The following ESRRB variants were observed in gnomAD, a reference collection of about 807,000 sequenced individuals.
The protein encoded by ESRRB is steroid hormone receptor ERR2.
Under a neutral mutation model 46.0 loss-of-function variants are expected in ESRRB, and 16 were observed. That is an observed-to-expected ratio of 0.35 (90% CI 0.24 to 0.53). The LOEUF (loss-of-function observed/expected upper bound fraction) is 0.53, where lower values mean the gene tolerates loss of function less well. Ranked by LOEUF, ESRRB falls within the 20% of genes least tolerant of loss-of-function variation. ESRRB has a pLI of 0.93. For missense variants in ESRRB, 488 were observed against 607.4 expected (o/e 0.80, Z 2.07); for synonymous variants, 246 against 259.6 (o/e 0.95, Z 0.50).
At chr14:76,456,272 A>G (rs941084691) in intron 2 of ESRRB, among the ~76,000 whole-genome samples, 4 of 152,096 alleles carry the variant, frequency 2.6e-5, no homozygotes, top group Non-Finnish European at 5.9e-5. Flanking sequence ...ATTCTCTGAG[A>G]CAGTTCCCAC....
At chr14:76,388,675 C>T (rs775127989) in intron 1 of ESRRB, among the ~76,000 whole-genome samples, 12 of 152,142 alleles carry the variant, frequency 7.9e-5, no homozygotes, top group Non-Finnish European at 1.5e-4. Flanking sequence ...TCCTTGTCCT[C>T]GGCACAGGAG....
chr14:76,322,966 G>A (rs189476904), intron 1 of ESRRB, among the ~76,000 whole-genome samples: 25 of 152,274 alleles, frequency 1.6e-4, no homozygotes, highest in Non-Finnish European at 3.5e-4. Flanking sequence ...GTGACCTTCC[G>A]TGGACACAGG....
chr14:76,452,642 ACAAAAC>A (rs1888439310), intron 2 of ESRRB, among the ~76,000 whole-genome samples: 1 of 112,928 alleles, frequency 8.9e-6, no homozygotes, highest in African/African-American at 4.1e-5. Flanking sequence ...CAAAACAAAA[ACAAAAC>A]AAAACAAAAA....
intron 1 of ESRRB, among the ~76,000 whole-genome samples, chr14:76,432,299 G>C (rs1423937070): frequency 2.6e-5 from 4 of 152,244 alleles, no homozygotes; most frequent in Admixed American, 2.6e-4. Context: ...CTCAGCCCCA[G>C]ATGTTAGTAG....
At chr14:76,331,782 G>C (rs1048865173) in intron 1 of ESRRB, among the ~76,000 whole-genome samples, 21 of 151,604 alleles carry the variant, frequency 1.4e-4, no homozygotes, top group Non-Finnish European at 2.4e-4. Context: ...GGGTTGGGAG[G>C]CCCTGTGGCA....
chr14:76,455,770 G>A (rs1252190596), intron 2 of ESRRB, among the ~76,000 whole-genome samples: 1 of 152,140 alleles, frequency 6.6e-6, no homozygotes, highest in Admixed American at 6.6e-5. Context: ...TCAGCTGGGT[G>A]CAGTGGTTCA....
intron 1 of ESRRB, among the ~76,000 whole-genome samples, chr14:76,384,789 GAGA>G (rs912818122): frequency 5.3e-5 from 8 of 152,172 alleles, no homozygotes; most frequent in Non-Finnish European, 8.8e-5. Context: ...GAATATCTGG[GAGA>G]AGAACTGTGT....
At chr14:76,410,083 G>T (rs192869956) in intron 1 of ESRRB, among the ~76,000 whole-genome samples, 18 of 152,216 alleles carry the variant, frequency 1.2e-4, no homozygotes, top group Admixed American at 7.9e-4. Context: ...AACTAGCCAG[G>T]CATGGTGGCA....
rs1366644069 is a variant in ESRRB at position 76,409,729 on chromosome 14, A to G, written c.51-29612A>G. ...CAGGGCCCCCCTAATTTGGTTTGCAAATACATTAGCCAAACAAGCTGAGGG... is the reference window on the plus strand; with the variant it reads ...CAGGGCCCCCCTAATTTGGTTTGCAGATACATTAGCCAAACAAGCTGAGGG... On this transcript the variant is annotated intron_variant, in intron 1 of 6. Transcript: ENST00000644823. Among the ~76,000 whole-genome samples the G allele has an allele frequency of 2.0e-5, 3 of 152,026 alleles. No individual in the cohort carries two copies. The East Asian group carries it at 5.9e-4, about 30-fold the overall frequency.
At chr14:76,440,602 T>G (rs1887880254) in intron 2 of ESRRB, among the ~76,000 whole-genome samples, 1 of 151,858 alleles carries the variant, frequency 6.6e-6, no homozygotes, top group Non-Finnish European at 1.5e-5. Context: ...TCTCTCTCTC[T>G]CAACCCATCC....
intron 1 of ESRRB, among the ~76,000 whole-genome samples, chr14:76,381,367 A>G (rs1270673928): frequency 2.0e-5 from 3 of 151,882 alleles, no homozygotes; most frequent in African/African-American, 7.3e-5. Flanking sequence ...GAGGCTGCTG[A>G]CCTTCTCTAA....
At chr14:76,430,380 G>A (rs1887389648) in intron 1 of ESRRB, among the ~76,000 whole-genome samples, 2 of 152,168 alleles carry the variant, frequency 1.3e-5, no homozygotes, top group Non-Finnish European at 2.9e-5. Context: ...TCCCATGTCA[G>A]TTTTGTTTAT....
At chr14:76,417,944 CTTTTTTTTTTT>C (rs869242837) in intron 1 of ESRRB, among the ~76,000 whole-genome samples, 1 of 91,366 alleles carries the variant, frequency 1.1e-5, no homozygotes, top group Non-Finnish European at 2.0e-5. Flanking sequence ...CTTTTACATA[CTTTTTTTTTTT>C]TTTTTTTTTT....
chr14:76,469,692 T>A (rs564143990), intron 3 of ESRRB, among the ~76,000 whole-genome samples: 11 of 152,196 alleles, frequency 7.2e-5, no homozygotes, highest in East Asian at 1.9e-4. Flanking sequence ...AAATTAAATT[T>A]AAAAAAATCC....
chr14:76,372,648 A>T (rs1228660096), upstream of ESRRB, among the ~76,000 whole-genome samples: 1 of 152,158 alleles, frequency 6.6e-6, no homozygotes, highest in Non-Finnish European at 1.5e-5. Flanking sequence ...CCTGGGCAAC[A>T]TGGTGAAACT....
At chr14:76,456,027 G>A (rs1470180459) in intron 2 of ESRRB, among the ~76,000 whole-genome samples, 1 of 143,530 alleles carries the variant, frequency 7.0e-6, no homozygotes, top group Non-Finnish European at 1.5e-5. Flanking sequence ...TGGGCAACAA[G>A]AGCGAAACTC....
At chr14:76,436,520 T>C (rs746554262) in intron 1 of ESRRB, among the ~76,000 whole-genome samples, 9 of 152,154 alleles carry the variant, frequency 5.9e-5, no homozygotes, top group Non-Finnish European at 1.2e-4. Context: ...AGGGTCTTCC[T>C]GTGAAAAGCA....
chr14:76,396,909 G>A (rs1354552401), intron 1 of ESRRB, among the ~76,000 whole-genome samples: 2 of 152,232 alleles, frequency 1.3e-5, no homozygotes, highest in Admixed American at 6.5e-5. Context: ...CGAGGGAGTC[G>A]CTGGAGGATC....
intron 2 of ESRRB, among the ~76,000 whole-genome samples, chr14:76,447,586 T>A (rs1412854691): frequency 6.6e-6 from 1 of 152,092 alleles, no homozygotes; most frequent in Non-Finnish European, 1.5e-5. Context: ...TTGCACGAAG[T>A]CTTAAACAGA....
Sources: allele counts gnomAD v4.1 joint callset (sites outside exome capture counted in the v4.1 genomes callset), GRCh38; gene constraint gnomAD v4.1.1; transcripts MANE v1.5; gene names NCBI Gene and HGNC (gene_info 2026-07-23, HGNC 2026-07-21).